Variants in GALNT3 observed in about 807,000 individuals in gnomAD.
The protein encoded by GALNT3 is polypeptide N-acetylgalactosaminyltransferase 3, also known as GalNAc transferase 3.
GALNT3 carries 51 observed loss-of-function variants against 69.8 expected under a neutral mutation model. The ratio of observed to expected loss-of-function variants is 0.73; its 90% CI spans 0.58 to 0.92. The LOEUF (loss-of-function observed/expected upper bound fraction) is 0.92. Among genes scored for constraint, GALNT3 ranks in the 40% least tolerant of loss-of-function variants. The pLI, the probability that GALNT3 is intolerant of heterozygous loss-of-function variation, is 0.00. For synonymous variants in GALNT3, 265 were observed against 248.5 expected (o/e 1.07, Z -0.63); for missense variants, 711 against 760.0 (o/e 0.94, Z 0.76).
At chr2:165,754,498 C>A in intron 9 of GALNT3, 129 bp downstream of exon 9, 1 of 687,092 alleles carries the variant, frequency 1.5e-6, no homozygotes, top group Non-Finnish European at 2.6e-6. Context: ...TTGCCAAACT[C>A]AGTCTGAAAA....
At position 165,761,960 on chromosome 2, in the gene GALNT3, C is replaced by T. The variant is rs1284505966; in HGVS notation, c.783G>A (p.Arg261=). The change falls in exon 4 of 11, where the codon CGG becomes CGA. Residue 261 remains arginine (R), a synonymous_variant. Coordinates refer to ENST00000392701, the MANE Select transcript of GALNT3 (RefSeq NM_004482.4). ...QRERKGLITA[R]LLGATVATAE... ...CTGTTGCGACTGTTGCTCCTAGCAA[C>T]CGAGCAGTGATCAGACCTTTTCTTT... The T allele has an allele frequency of 2.5e-6, 4 of 1,613,868 alleles. No individual in the cohort carries two copies. The highest frequency in any genetic ancestry group is 3.4e-6 in the Non-Finnish European group (4 of 1,179,892).
upstream of GALNT3, chr2:165,794,605 G>A (rs1279366642): frequency 6.6e-6 from 1 of 152,342 alleles, no homozygotes; most frequent in Non-Finnish European, 1.5e-5. Flanking sequence ...CCAAAATGAA[G>A]GGGTGCGCTG....
In GALNT3 at chr2:165,748,710, C is replaced by A. The variant is rs992689994; in HGVS notation, c.*71G>T. On this transcript the variant is annotated 3_prime_UTR_variant, in exon 11 of 11. Transcript: ENST00000392701. Reference sequence around the variant, plus strand: ...GCTGCTTTTGCATAATTTTCAAAAACTACAGTGTATGCCTAGTCACAGTTT... The same window carrying A: ...GCTGCTTTTGCATAATTTTCAAAAAATACAGTGTATGCCTAGTCACAGTTT... 2.8e-6 allele frequency: 4 copies of A among 1,434,148 alleles called. No homozygotes were observed. The highest frequency in any genetic ancestry group is 3.8e-6 in the Non-Finnish European group (4 of 1,041,142). The allele number at this position is 1,434,148 out of a possible 1,614,324, so 88.8% of individuals were successfully genotyped here.
intron 1 of GALNT3, among the ~76,000 whole-genome samples, chr2:165,775,351 AC>A (rs1305222842): frequency 6.6e-6 from 1 of 152,184 alleles, no homozygotes; most frequent in African/African-American, 2.4e-5. Flanking sequence ...TTTTCAAAGC[AC>A]CATTTCAGTA....
intron 4 of GALNT3, among the ~76,000 whole-genome samples, chr2:165,760,684 GCAACACAAGCA>G (rs1688529654): frequency 6.6e-6 from 1 of 152,126 alleles, no homozygotes; most frequent in Non-Finnish European, 1.5e-5. Context: ...ATGGCTCTAA[GCAACACAAGCA>G]CATCCAAAAG....
At chr2:165,758,921 A>G in intron 5 of GALNT3, 57 bp from the exon 6 acceptor site, 1 of 1,064,356 alleles carries the variant, frequency 9.4e-7, no homozygotes, top group South Asian at 1.3e-5. Flanking sequence ...ATAAAACAGC[A>G]TATTTTAAGA....
chr2:165,764,520 A>G (rs1688604680), intron 3 of GALNT3, among the ~76,000 whole-genome samples: 1 of 152,182 alleles, frequency 6.6e-6, no homozygotes. Context: ...TTTGCTGATA[A>G]ATCACAGCAG....
intron 1 of GALNT3, among the ~76,000 whole-genome samples, chr2:165,774,586 A>G (rs543472642): frequency 2.0e-5 from 3 of 152,310 alleles, no homozygotes; most frequent in East Asian, 3.9e-4. Flanking sequence ...ATGTGTATCT[A>G]TGTAAAGACC....
rs1474934820 is a variant in GALNT3 at position 165,754,710 on chromosome 2, G to C, written c.1543C>G (p.Pro515Ala). The change falls in exon 9 of 11, where the codon CCT becomes GCT. Residue 515 changes from proline to alanine, a missense_variant. Transcript: ENST00000392701. ...TTTTCTCCAACATCCAGACATAGAG[G>C]CTGACCAACGCTTTTAATCTAAAGG... ...ISGYIKSVGQ[P>A]LCLDVGENNQ... The C allele has an allele frequency of 3.7e-6, 6 of 1,612,104 alleles. No individual in the cohort carries two copies.
rs1190500682 is a variant in GALNT3 at position 165,769,445 on chromosome 2, A to AAT, written c.515+740_515+741insAT. ...AATAATAATAATAATAATAATAAATAAATAAATAAATAATCTGTTGAGGGT... is the reference window on the plus strand; with the variant it reads ...AATAATAATAATAATAATAATAAATAATAATAAATAAATAATCTGTTGAGGGT... On this transcript the variant is annotated intron_variant, in intron 2 of 10. Transcript: ENST00000392701. Among the ~76,000 whole-genome samples the AAT allele has an allele frequency of 6.9e-3, 1,003 of 145,708 alleles. 10 individuals are homozygous for AAT. The highest frequency in any genetic ancestry group is 0.024 in the African/African-American group (968 of 39,608).
intron 1 of GALNT3, among the ~76,000 whole-genome samples, chr2:165,774,467 AAAG>A (rs1487425032): frequency 6.6e-6 from 1 of 152,228 alleles, no homozygotes; most frequent in African/African-American, 2.4e-5. Flanking sequence ...TGGGAATTGA[AAAG>A]AAGGATAGAA....
In GALNT3 at chr2:165,780,676, G is replaced by T. The variant is rs184766968; in HGVS notation, c.-108-9868C>A. ...TGTTGTTGTTGTTGTTGTTGTTGTT[G>T]TTTTTTCTTCTAACAAATGGACTAA... On this transcript the variant is annotated intron_variant, in intron 1 of 10. Coordinates refer to ENST00000392701, the MANE Select transcript of GALNT3 (RefSeq NM_004482.4). Among the ~76,000 whole-genome samples, 1,176 of 151,102 alleles carry T rather than the reference G, an allele frequency of 7.8e-3. 38 individuals are homozygous for T. The highest frequency in any genetic ancestry group is 0.061 in the Admixed American group (928 of 15,198).
At chr2:165,750,939 T>C (rs1669330185) in intron 9 of GALNT3, among the ~76,000 whole-genome samples, 1 of 152,130 alleles carries the variant, frequency 6.6e-6, no homozygotes, top group Admixed American at 6.6e-5. Flanking sequence ...ACTCAAATAC[T>C]ACCTTCCTTC....
chr2:165,782,644 C>T (rs916930168), intron 1 of GALNT3, among the ~76,000 whole-genome samples: 5 of 152,186 alleles, frequency 3.3e-5, no homozygotes, highest in African/African-American at 1.2e-4. Context: ...GGAGCTAAGA[C>T]TCCATTTGTT....
chr2:165,776,356 A>G (rs1688845971), intron 1 of GALNT3, among the ~76,000 whole-genome samples: 1 of 152,192 alleles, frequency 6.6e-6, no homozygotes, highest in Admixed American at 6.5e-5. Context: ...CACAACAGCA[A>G]ACTCAGGATA....
In GALNT3 at chr2:165,754,667, G is replaced by C; in HGVS notation, c.1586C>G (p.Pro529Arg). The C allele has an allele frequency of 6.2e-7, 1 of 1,613,454 alleles. No individual in the cohort carries two copies. The highest frequency in any genetic ancestry group is 8.5e-7 in the Non-Finnish European group (1 of 1,179,706). Residue 529 changes from proline to arginine, a missense_variant, in exon 9 of 11, where the codon CCA (proline) becomes CGA (arginine). By Grantham distance (103) the Pro-to-Arg change is moderately radical. Coordinates refer to ENST00000392701, the MANE Select transcript of GALNT3 (RefSeq NM_004482.4). ...DVGENNQGGKPLIMYTCHGLG... is the reference protein window; with the variant it reads ...DVGENNQGGKRLIMYTCHGLG... ...TCCATGACATGTATACATAATTAATGGTTTGCCTCCTTGATTGTTTTCTCC... is the reference window on the plus strand; with the variant it reads ...TCCATGACATGTATACATAATTAATCGTTTGCCTCCTTGATTGTTTTCTCC...
chr2:165,762,496 G>A (rs1272802515), intron 3 of GALNT3, among the ~76,000 whole-genome samples: 1 of 152,148 alleles, frequency 6.6e-6, no homozygotes, highest in African/African-American at 2.4e-5. Flanking sequence ...AATATCTAAA[G>A]ACCTCTGATA....
Position 165,759,426 on chromosome 2 carries a change from C to T in GALNT3, c.983G>A (p.Arg328His), listed in dbSNP as rs748580763. The change falls in exon 5 of 11, where the codon CGT becomes CAT. Residue 328 changes from arginine (R) to histidine (H), a missense_variant. Arg to His is a conservative substitution (Grantham distance 29). Transcript: ENST00000392701. Reference sequence around the variant, plus strand: ...TGAAAGACTCCAGTCAAAATTTCCACGGTTATGGTTACTTCCATAAGGAGA... The same window carrying T: ...TGAAAGACTCCAGTCAAAATTTCCATGGTTATGGTTACTTCCATAAGGAGA... ...KPSPYGSNHN[R>H]GNFDWSLSFG... The T allele has an allele frequency of 2.2e-5, 35 of 1,613,872 alleles. No individual in the cohort carries two copies. The highest frequency in any genetic ancestry group is 1.6e-4 in the Middle Eastern group (1 of 6,084).
intron 1 of GALNT3, among the ~76,000 whole-genome samples, chr2:165,791,273 G>T (rs1683342456): frequency 6.6e-6 from 1 of 151,932 alleles, no homozygotes; most frequent in Admixed American, 6.6e-5. Flanking sequence ...GTGTGTGTGT[G>T]TGTGTGTATA....
Sources: allele counts gnomAD v4.1 joint callset (sites outside exome capture counted in the v4.1 genomes callset), GRCh38; gene constraint gnomAD v4.1.1; transcripts MANE v1.5; gene names NCBI Gene and HGNC (gene_info 2026-07-23, HGNC 2026-07-21).